The following XXYLT1 variants were observed in gnomAD, a reference collection of about 807,000 sequenced individuals.
XXYLT1 encodes UDP-xylose:alpha-xyloside alpha-1,3-xylosyltransferase.
Under a neutral mutation model 28.9 loss-of-function variants are expected in XXYLT1, and 20 were observed. The observed-to-expected ratio is 0.69, with a 90% CI of 0.49 to 1.00. The LOEUF is 1.00. Ranked by LOEUF, XXYLT1 falls within the 50% of genes least tolerant of loss-of-function variation. The probability of loss-of-function intolerance (pLI) is 0.00; values close to 1 mark genes in which losing one functional copy is unlikely to be tolerated. For synonymous variants in XXYLT1, 257 were observed against 253.8 expected (o/e 1.01, Z -0.12); for missense variants, 542 against 560.1 (o/e 0.97, Z 0.33).
intron 2 of XXYLT1, among the ~76,000 whole-genome samples, chr3:195,193,485 T>C (rs1332743827): frequency 6.6e-6 from 1 of 152,200 alleles, no homozygotes; most frequent in African/African-American, 2.4e-5. Context: ...CCCAGACTGA[T>C]ATGTAAATTA....
At chr3:195,248,795 C>G (rs1725138205) in intron 1 of XXYLT1, among the ~76,000 whole-genome samples, 2 of 152,128 alleles carry the variant, frequency 1.3e-5, no homozygotes, top group South Asian at 4.2e-4. Flanking sequence ...TGGCAGGCAC[C>G]TGTAATCCCA....
At chr3:195,194,078 T>C (rs1029198848) in intron 2 of XXYLT1, among the ~76,000 whole-genome samples, 7 of 151,840 alleles carry the variant, frequency 4.6e-5, no homozygotes, top group African/African-American at 1.7e-4. Context: ...CATTAAAAAT[T>C]TTGTGCATAA....
chr3:195,223,534 C>T (rs1723920061), intron 2 of XXYLT1, among the ~76,000 whole-genome samples: 1 of 152,200 alleles, frequency 6.6e-6, no homozygotes, highest in Non-Finnish European at 1.5e-5. Flanking sequence ...TACATGACAA[C>T]AAAACCATCA....
At chr3:195,202,084 G>C (rs1238241693) in intron 2 of XXYLT1, among the ~76,000 whole-genome samples, 4 of 152,170 alleles carry the variant, frequency 2.6e-5, no homozygotes, top group African/African-American at 7.2e-5. Flanking sequence ...GGCTGAGGCA[G>C]GAGAATTGCT....
intron 2 of XXYLT1, among the ~76,000 whole-genome samples, chr3:195,185,461 G>C (rs537198640): frequency 1.0e-4 from 15 of 150,698 alleles, no homozygotes; most frequent in African/African-American, 3.4e-4. Context: ...TTGGGGTCCT[G>C]CTTCAGGAGC....
At chr3:195,252,999 C>G (rs1725333127) in intron 1 of XXYLT1, among the ~76,000 whole-genome samples, 1 of 152,100 alleles carries the variant, frequency 6.6e-6, no homozygotes, top group African/African-American at 2.4e-5. Context: ...AACAAGGGCT[C>G]AAGGGAACGT....
intron 3 of XXYLT1, among the ~76,000 whole-genome samples, chr3:195,121,600 C>A (rs572237756): frequency 6.6e-6 from 1 of 152,340 alleles, no homozygotes; most frequent in East Asian, 1.9e-4. Flanking sequence ...ACTGAGCATT[C>A]CCTCATCCCC....
At chr3:195,207,343 G>A (rs1723116958) in intron 2 of XXYLT1, 1 of 385,008 alleles carries the variant, frequency 2.6e-6, no homozygotes. Context: ...AGGGCTCCAG[G>A]AAACAGCCAG....
At chr3:195,184,760 AG>A (rs1722103409) in intron 2 of XXYLT1, 1 of 985,330 alleles carries the variant, frequency 1.0e-6, no homozygotes, top group African/African-American at 1.7e-5. Context: ...AAAATATTCC[AG>A]GGAACTTAGC....
chr3:195,070,092 G>T lies in XXYLT1; in HGVS notation c.805C>A (p.Arg269Ser). ...PVYRHTFWQF[R>S]HENPQTRVGG... ...ACCCGGGTCTGGGGGTTCTCATGGC[G>T]GAACTGCCAGAATGTGTGCCTGTGG... Residue 269 changes from arginine to serine, a missense_variant, in exon 4 of 4, where the codon CGC becomes AGC. Physicochemically the swap from Arg to Ser is moderately radical, Grantham distance 110. Coordinates refer to ENST00000310380, the MANE Select transcript of XXYLT1 (RefSeq NM_152531.5). 1 of 1,575,200 alleles carries T rather than the reference G, an allele frequency of 6.3e-7. No individual in the cohort carries two copies. The highest frequency in any genetic ancestry group is 8.6e-7 in the Non-Finnish European group (1 of 1,168,418).
intron 2 of XXYLT1, among the ~76,000 whole-genome samples, chr3:195,181,578 T>A (rs532605762): frequency 2.0e-5 from 3 of 152,296 alleles, no homozygotes; most frequent in East Asian, 3.9e-4. Context: ...TGTTCCTGTA[T>A]ATAAGCTCAC....
intron 3 of XXYLT1, among the ~76,000 whole-genome samples, chr3:195,154,479 A>AGAGG (rs1468638951): frequency 1.7e-4 from 26 of 151,998 alleles, no homozygotes; most frequent in Admixed American, 8.5e-4. Flanking sequence ...AGGGAGGGAG[A>AGAGG]GAGGGAGGGA....
chr3:195,078,938 CA>C lies in XXYLT1; in HGVS notation c.786-8828del, dbSNP rs1164205089. Among the ~76,000 whole-genome samples the C allele has an allele frequency of 1.3e-5, 2 of 152,188 alleles. No individual in the cohort carries two copies. The highest frequency in any genetic ancestry group is 2.9e-5 in the Non-Finnish European group (2 of 68,026). On this transcript the variant is annotated intron_variant, in intron 3 of 3. Transcript: ENST00000310380. The surrounding 1 kb of genome is among the most constrained non-coding windows in gnomAD (Gnocchi z 5.0). ...CACCTAAGCTACCCACTCGGCTCTCCATGAACTTTGCGACCAGACGCACTCT... is the reference window on the plus strand; with the variant it reads ...CACCTAAGCTACCCACTCGGCTCTCCTGAACTTTGCGACCAGACGCACTCT...
chr3:195,172,739 C>T lies in XXYLT1; in HGVS notation c.653-16158G>A, dbSNP rs537613035. On this transcript the variant is annotated intron_variant, in intron 2 of 3. Transcript: ENST00000310380. ...GTGACATTGTGAGAGCTACTGGCAT[C>T]GGATAGTCAGGGAAGGGCTTTTCAA... 3.9e-5 allele frequency among the ~76,000 whole-genome samples: 6 copies of T among 152,168 alleles called. No individual in the cohort carries two copies. The East Asian group carries it at 9.7e-4, about 24-fold the overall frequency.
At position 195,257,536 on chromosome 3, in the gene XXYLT1, C is replaced by T. The variant is rs112824506; in HGVS notation, c.504+13019G>A. On this transcript the variant is annotated intron_variant, in intron 1 of 3. Coordinates refer to ENST00000310380, the MANE Select transcript of XXYLT1 (RefSeq NM_152531.5). The surrounding 1 kb of genome is among the most constrained non-coding windows in gnomAD (Gnocchi z 4.3). ...GGGGAAGAAGCCCCTGAGCAAAGTC[C>T]CAGAGATGGGAAGTGGCCGGGGTAC... 6.6e-6 allele frequency among the ~76,000 whole-genome samples: 1 copy of T among 152,104 alleles called. No homozygotes were observed.
At chr3:195,237,465 ACCC>A (rs1439174793) in intron 1 of XXYLT1, among the ~76,000 whole-genome samples, 2 of 151,734 alleles carry the variant, frequency 1.3e-5, no homozygotes, top group African/African-American at 4.8e-5. Flanking sequence ...TGTCTTTCCT[ACCC>A]TCTGCAGTGC....
chr3:195,238,212 C>T (rs1157961380), intron 1 of XXYLT1, among the ~76,000 whole-genome samples: 1 of 152,154 alleles, frequency 6.6e-6, no homozygotes, highest in Non-Finnish European at 1.5e-5. Context: ...ACTGGCCACA[C>T]CTGGATGACC....
intron 2 of XXYLT1, among the ~76,000 whole-genome samples, chr3:195,223,504 T>C (rs996064888): frequency 1.3e-5 from 2 of 152,132 alleles, no homozygotes; most frequent in Non-Finnish European, 2.9e-5. Context: ...GAATAGCCAA[T>C]GTAACAAGAA....
Position 195,099,385 on chromosome 3 carries a change from C to T in XXYLT1, c.786-29274G>A, listed in dbSNP as rs554458012. Reference sequence around the variant, plus strand: ...ATTTAGCACACACATTACAGTGCCTCCCAAACCAGCACCACCATCTGGGGC... The same window carrying T: ...ATTTAGCACACACATTACAGTGCCTTCCAAACCAGCACCACCATCTGGGGC... On this transcript the variant is annotated intron_variant, in intron 3 of 3. Transcript: ENST00000310380. Among the ~76,000 whole-genome samples, 5 of 152,222 alleles carry T rather than the reference C, an allele frequency of 3.3e-5. No homozygotes were observed. The South Asian group carries it at 1.0e-3, about 32-fold the overall frequency.
Sources: gnomAD v4.1 joint callset for allele counts (sites outside exome capture counted in the v4.1 genomes callset) on GRCh38, gnomAD v4.1.1 for gene constraint, Gnocchi (gnomAD v3.1) non-coding constraint, MANE v1.5 for transcripts, NCBI Gene and HGNC (gene_info 2026-07-23, HGNC 2026-07-21) for gene names.